TRPM3: variants seen among roughly 807,000 people sequenced by gnomAD.
TRPM3 encodes long transient receptor potential channel 3.
In TRPM3, 77 loss-of-function variants were observed where a neutral mutation model predicts 181.2. The ratio of observed to expected loss-of-function variants is 0.42; its 90% CI spans 0.35 to 0.51. TRPM3 has a LOEUF of 0.51. Among genes scored for constraint, TRPM3 ranks in the 20% least tolerant of loss-of-function variants. TRPM3 has a pLI of 0.01. For missense variants in TRPM3, 1,759 were observed against 2,196.7 expected (o/e 0.80, Z 3.98); for synonymous variants, 745 against 796.4 (o/e 0.94, Z 1.09).
At chr9:70,631,854 G>T (rs1342201438) in intron 12 of TRPM3, among the ~76,000 whole-genome samples, 1 of 152,164 alleles carries the variant, frequency 6.6e-6, no homozygotes, top group Non-Finnish European at 1.5e-5. Context: ...CAAAGAAGAG[G>T]TAAACTGGAG....
intron 1 of TRPM3, among the ~76,000 whole-genome samples, chr9:71,333,630 C>G (rs557282340): frequency 6.6e-6 from 1 of 151,894 alleles, no homozygotes; most frequent in Admixed American, 6.6e-5. Flanking sequence ...CGGGAGTCAG[C>G]TGAAATAGTC....
chr9:71,306,244 C>G (rs902651944), intron 1 of TRPM3, among the ~76,000 whole-genome samples: 7 of 152,258 alleles, frequency 4.6e-5, no homozygotes, highest in East Asian at 3.9e-4. Flanking sequence ...ATCATGCAGT[C>G]TAAATTCTGG....
intron 1 of TRPM3, among the ~76,000 whole-genome samples, chr9:70,925,374 A>G (rs919353826): frequency 9.9e-5 from 15 of 152,042 alleles, no homozygotes; most frequent in Admixed American, 8.5e-4. Flanking sequence ...ATTACACTAG[A>G]CTTTTTTCCT....
At chr9:70,803,693 G>A (rs989164197) in intron 6 of TRPM3, among the ~76,000 whole-genome samples, 32 of 151,716 alleles carry the variant, frequency 2.1e-4, no homozygotes, top group African/African-American at 7.3e-4. Context: ...CTCGTGATCA[G>A]TCCGTCTCGG....
intron 1 of TRPM3, among the ~76,000 whole-genome samples, chr9:70,963,443 T>G (rs1226935214): frequency 3.3e-5 from 5 of 152,128 alleles, no homozygotes; most frequent in African/African-American, 4.8e-5. Context: ...ATGTTAGAAT[T>G]CAAGAGAGTG....
At chr9:71,027,202 G>A (rs566487642) in intron 1 of TRPM3, among the ~76,000 whole-genome samples, 1 of 152,272 alleles carries the variant, frequency 6.6e-6, no homozygotes, top group Non-Finnish European at 1.5e-5. Flanking sequence ...TAGGAGCCCT[G>A]AGCTGAGCCT....
intron 1 of TRPM3, among the ~76,000 whole-genome samples, chr9:70,879,210 C>A (rs968486438): frequency 2.6e-5 from 4 of 152,034 alleles, no homozygotes; most frequent in African/African-American, 9.7e-5. Context: ...AATACACATG[C>A]CAGGCATGCT....
intron 1 of TRPM3, among the ~76,000 whole-genome samples, chr9:71,414,228 G>C (rs944504731): frequency 6.6e-6 from 1 of 152,074 alleles, no homozygotes; most frequent in African/African-American, 2.4e-5. Context: ...GAGGGCAGAA[G>C]CCAGTATCTA....
intron 8 of TRPM3, among the ~76,000 whole-genome samples, chr9:70,697,825 C>A (rs1336408426): frequency 6.6e-6 from 1 of 152,194 alleles, no homozygotes; most frequent in East Asian, 1.9e-4. Flanking sequence ...TTTGTCTCCT[C>A]CTTTACATTA....
intron 1 of TRPM3, among the ~76,000 whole-genome samples, chr9:71,249,627 A>G (rs552303500): frequency 5.3e-5 from 8 of 152,358 alleles, no homozygotes; most frequent in Non-Finnish European, 1.0e-4. Context: ...TTTCCTTTAA[A>G]GATAAAAAGG....
At chr9:70,542,014 G>A (rs1335508753) in intron 25 of TRPM3, among the ~76,000 whole-genome samples, 4 of 152,122 alleles carry the variant, frequency 2.6e-5, no homozygotes, top group African/African-American at 7.2e-5. Flanking sequence ...CCAGCTACTC[G>A]GGAGGCTGAG....
At chr9:71,036,962 C>G (rs1193277260) in intron 1 of TRPM3, among the ~76,000 whole-genome samples, 1 of 152,082 alleles carries the variant, frequency 6.6e-6, no homozygotes. Flanking sequence ...ATTTTTCAAG[C>G]ATCTATGATG....
intron 1 of TRPM3, among the ~76,000 whole-genome samples, chr9:71,066,846 C>G (rs562317945): frequency 6.6e-6 from 1 of 152,280 alleles, no homozygotes; most frequent in African/African-American, 2.4e-5. Flanking sequence ...CTCTTTTTAT[C>G]TAGTCTCACT....
At chr9:71,244,445 C>A (rs892830281) in intron 1 of TRPM3, among the ~76,000 whole-genome samples, 1 of 152,144 alleles carries the variant, frequency 6.6e-6, no homozygotes, top group Non-Finnish European at 1.5e-5. Context: ...TGCCAACCTT[C>A]TTCATAACAT....
intron 5 of TRPM3, among the ~76,000 whole-genome samples, chr9:70,828,693 C>G (rs1211377183): frequency 8.3e-6 from 1 of 120,470 alleles, no homozygotes; most frequent in Non-Finnish European, 1.7e-5. Context: ...TTCAGTGTGG[C>G]CTTCCAGATT....
intron 8 of TRPM3, among the ~76,000 whole-genome samples, chr9:70,700,708 A>T (rs1289045371): frequency 6.6e-6 from 1 of 152,234 alleles, no homozygotes; most frequent in Admixed American, 6.5e-5. Flanking sequence ...AGAAACTTTC[A>T]TCAGATTGAT....
intron 1 of TRPM3, among the ~76,000 whole-genome samples, chr9:71,050,658 T>A (rs919928017): frequency 1.3e-5 from 2 of 152,244 alleles, no homozygotes; most frequent in Non-Finnish European, 2.9e-5. Flanking sequence ...AACACACTTC[T>A]GTTTATATAT....
chr9:70,536,321 G>C lies in TRPM3; in HGVS notation c.4792C>G (p.Arg1598Gly). The part of the protein sequence containing the change: ...VEDLTCCHPE[R>G]EAELSHPSSD... Reference sequence around the variant, plus strand: ...CTGGGGTGACTCAGTTCTGCTTCTCGCTCTGGATGGCAGCAAGTTAAGTCC... The same window carrying C: ...CTGGGGTGACTCAGTTCTGCTTCTCCCTCTGGATGGCAGCAAGTTAAGTCC... Residue 1598 changes from arginine to glycine, a missense_variant, in exon 26 of 26, where the codon CGA (arginine) becomes GGA (glycine). By Grantham distance (125) the Arg-to-Gly change is moderately radical (BLOSUM62 -2). Coordinates refer to ENST00000677713, the MANE Select transcript of TRPM3 (RefSeq NM_001366145.2). The C allele has an allele frequency of 6.2e-7, 1 of 1,614,066 alleles. No homozygotes were observed. Among genetic ancestry groups the C allele is most frequent in the East Asian group, 2.2e-5 (1 of 44,856 alleles).
intron 1 of TRPM3, among the ~76,000 whole-genome samples, chr9:71,047,879 A>C (rs967749095): frequency 6.6e-6 from 1 of 151,748 alleles, no homozygotes; most frequent in African/African-American, 2.4e-5. Flanking sequence ...AAACAAATGA[A>C]AAACGGTATG....
Sources: allele counts gnomAD v4.1 joint callset (sites outside exome capture counted in the v4.1 genomes callset), GRCh38; gene constraint gnomAD v4.1.1; transcripts MANE v1.5; gene names NCBI Gene and HGNC (gene_info 2026-07-23, HGNC 2026-07-21).